CSN2: variants seen among roughly 807,000 people sequenced by gnomAD.
The protein encoded by CSN2 is casein beta.
A neutral mutation model predicts 27.3 loss-of-function variants in CSN2; 27 were observed. That is an observed-to-expected ratio of 0.99 (90% CI 0.73 to 1.36). The LOEUF (loss-of-function observed/expected upper bound fraction) is 1.36. Ranked by LOEUF, CSN2 falls within the 40% of genes most tolerant of loss-of-function variation. The pLI, the probability that CSN2 is intolerant of heterozygous loss-of-function variation, is 0.00. For missense variants in CSN2, 333 were observed against 264.5 expected (o/e 1.26, Z -1.80); for synonymous variants, 131 against 94.8 (o/e 1.38, Z -2.22).
intron 1 of CSN2, among the ~76,000 whole-genome samples, chr4:69,962,740 C>A (rs181994699): frequency 6.6e-6 from 1 of 152,224 alleles, no homozygotes; most frequent in Admixed American, 6.5e-5. Context: ...CAAATGGGAT[C>A]TAATTAAACT....
chr4:69,963,418 G>A (rs1231775775), intron 1 of CSN2, among the ~76,000 whole-genome samples: 2 of 151,594 alleles, frequency 1.3e-5, no homozygotes, highest in East Asian at 2.0e-4. Flanking sequence ...AAAAAATGAT[G>A]AGTTCATGTC....
chr4:69,961,046 C>A, intron 1 of CSN2, 39 bp from the exon 2 acceptor site: 1 of 1,421,426 alleles, frequency 7.0e-7, no homozygotes, highest in South Asian at 1.2e-5. Context: ...GAAGATTGGT[C>A]AATTGGATAT....
At chr4:69,961,825 T>C (rs1325975970) in intron 1 of CSN2, among the ~76,000 whole-genome samples, 2 of 152,204 alleles carry the variant, frequency 1.3e-5, no homozygotes, top group East Asian at 1.9e-4. Flanking sequence ...ACTGTGTATC[T>C]AGAAAACCCC....
intron 7 of CSN2, 80 bp downstream of exon 7, chr4:69,956,234 G>A: frequency 1.0e-6 from 1 of 1,004,192 alleles, no homozygotes; most frequent in Non-Finnish European, 1.3e-6. Context: ...CACTGTATTG[G>A]ACTTCTCTAG....
In CSN2 at chr4:69,959,064, A is replaced by G; in HGVS notation, c.84T>C (p.Ser28=). Residue 28 remains serine (S), a synonymous_variant, in exon 4 of 8, where the codon TCT becomes TCC. Transcript: ENST00000353151. The part of the protein sequence containing the change: ...TIESLSSSEE[S]ITEYKQKVEK... ...GAAAATTTACCTTGTATTCTGTAAT[A>G]GATTCCTACAGAAAAATATAAAATA... is the stretch of plus-strand genomic sequence containing the variant. The G allele has an allele frequency of 2.2e-6, 3 of 1,357,116 alleles. No individual in the cohort carries two copies. The highest frequency in any genetic ancestry group is 3.1e-6 in the Non-Finnish European group (3 of 981,594). The allele number at this position is 1,357,116 out of a possible 1,614,324, so 84.1% of individuals were successfully genotyped here.
At position 69,960,966 on chromosome 4, in the gene CSN2, C is replaced by G. The variant is rs749973270; in HGVS notation, c.30G>C (p.Val10=). The part of the protein sequence containing the change: MKVLILACL[V]ALALARETIE... ...ATACCTCCCTTGCAAGAGCAAGAGC[C>G]ACCAGGCAGGCGAGGATGAGGACCT... The change falls in exon 2 of 8, where the codon GTG becomes GTC. Residue 10 remains valine, a synonymous_variant. Coordinates refer to ENST00000353151, the MANE Select transcript of CSN2 (RefSeq NM_001891.4). 3.2e-5 allele frequency: 52 copies of G among 1,612,724 alleles called. No individual in the cohort carries two copies. Among genetic ancestry groups the G allele is most frequent in the Non-Finnish European group, 4.3e-5 (51 of 1,179,274 alleles).
chr4:69,959,954 C>T lies in CSN2; in HGVS notation c.78+99G>A, dbSNP rs1418633628. The T allele has an allele frequency of 6.9e-6, 7 of 1,021,208 alleles. No individual in the cohort carries two copies. In the Admixed American group the frequency reaches 1.2e-4, roughly 17 times the overall value. 63.3% of individuals were successfully genotyped at this position (1,021,208 alleles called of 1,614,324 possible). ...GAAATATGTACTAGAACTTATATGTCATTAACATAGCTGCATTAGCTTAAC... is the reference window on the plus strand; with the variant it reads ...GAAATATGTACTAGAACTTATATGTTATTAACATAGCTGCATTAGCTTAAC... On this transcript the variant is annotated intron_variant, in intron 3 of 7. Coordinates refer to ENST00000353151, the MANE Select transcript of CSN2 (RefSeq NM_001891.4).
chr4:69,957,228 A>T, intron 6 of CSN2, 46 bp downstream of exon 6: 2 of 1,469,996 alleles, frequency 1.4e-6, no homozygotes, highest in Non-Finnish European at 1.8e-6. Context: ...CTACCATCAC[A>T]TACACATCTT....
intron 7 of CSN2, 71 bp downstream of exon 7, chr4:69,956,243 A>G: frequency 9.2e-7 from 1 of 1,088,416 alleles, no homozygotes. Context: ...GGACTTCTCT[A>G]GGAGAATTAA....
intron 2 of CSN2, among the ~76,000 whole-genome samples, chr4:69,960,379 T>C (rs1723534413): frequency 6.6e-6 from 1 of 151,666 alleles, no homozygotes; most frequent in Admixed American, 6.6e-5. Context: ...CTTTTATATT[T>C]AGTAATCTAT....
chr4:69,960,053 C>T lies in CSN2; in HGVS notation c.78G>A (p.Glu26=). 6.2e-7 allele frequency: 1 copy of T among 1,611,186 alleles called. No individual in the cohort carries two copies. The highest frequency in any genetic ancestry group is 8.5e-7 in the Non-Finnish European group (1 of 1,178,300). The change falls in exon 3 of 8, where the codon GAG becomes GAA. Residue 26 remains glutamate, a splice_region_variant and synonymous_variant. Transcript: ENST00000353151. The stretch of plus-strand genomic sequence containing the variant: ...AAAATTGGGTAGAATGTTAACTTAC[C>T]TCACTGCTTGAAAGGCTTTCTATGG... ...RETIESLSSS[E]ESITEYKQKV...
chr4:69,965,654 C>T (rs1433556594), intron 1 of CSN2, among the ~76,000 whole-genome samples, 27 bp downstream of exon 1: 1 of 151,682 alleles, frequency 6.6e-6, no homozygotes, highest in African/African-American at 2.4e-5. Flanking sequence ...GGAGAAGATA[C>T]AACAAATTTG....
intron 1 of CSN2, among the ~76,000 whole-genome samples, 194 bp downstream of exon 1, chr4:69,965,487 T>C (rs1723778203): frequency 1.0e-5 from 1 of 96,760 alleles, no homozygotes; most frequent in African/African-American, 4.5e-5. Flanking sequence ...TCATGAAGGC[T>C]ATATGTCATT....
intron 2 of CSN2, 98 bp from the exon 3 acceptor site, chr4:69,960,177 C>T (rs992118602): frequency 1.2e-5 from 13 of 1,111,444 alleles, no homozygotes; most frequent in Non-Finnish European, 1.8e-5. Context: ...AAAATAATCT[C>T]ACCTCAGAGG....
intron 3 of CSN2, among the ~76,000 whole-genome samples, chr4:69,959,280 C>T (rs992354980): frequency 2.2e-4 from 34 of 151,812 alleles, no homozygotes; most frequent in African/African-American, 7.5e-4. Flanking sequence ...CAAAAAAAAG[C>T]AATTAATAGA....
At chr4:69,959,181 A>G in intron 3 of CSN2, 112 bp from the exon 4 acceptor site, 1 of 835,272 alleles carries the variant, frequency 1.2e-6, no homozygotes, top group Admixed American at 3.3e-5. Context: ...ATAACTTTGT[A>G]TAATCATTAA....
intron 1 of CSN2, among the ~76,000 whole-genome samples, chr4:69,961,726 T>C (rs1321201418): frequency 6.6e-6 from 1 of 152,178 alleles, no homozygotes; most frequent in Non-Finnish European, 1.5e-5. Context: ...TTGGAAGTTC[T>C]GGCCAGGGCA....
chr4:69,962,909 T>C (rs1578146394), intron 1 of CSN2, among the ~76,000 whole-genome samples: 1 of 151,994 alleles, frequency 6.6e-6, no homozygotes, highest in South Asian at 2.1e-4. Context: ...AACAACCCCA[T>C]CAAAAAGTGG....
In CSN2 at chr4:69,957,324, G is replaced by T. The variant is rs767479201; in HGVS notation, c.625C>A (p.Gln209Lys). ...AGTGGCTGAGTCACAGGGTAGATCTGGTGGGTGGGGTTAAGTAGAAGTTCT... is the reference window on the plus strand; with the variant it reads ...AGTGGCTGAGTCACAGGGTAGATCTTGTGGGTGGGGTTAAGTAGAAGTTCT... ...NQELLLNPTH[Q>K]IYPVTQPLAP... The change falls in exon 6 of 8, where the codon CAG (glutamine) becomes AAG (lysine). Residue 209 changes from glutamine (Q) to lysine (K), a missense_variant. By Grantham distance (53) the Gln-to-Lys change is moderately conservative. Transcript: ENST00000353151. The T allele has an allele frequency of 6.3e-7, 1 of 1,590,848 alleles. No homozygotes were observed. The highest frequency in any genetic ancestry group is 8.6e-7 in the Non-Finnish European group (1 of 1,167,570).
Sources: gnomAD v4.1 joint callset for allele counts (sites outside exome capture counted in the v4.1 genomes callset) on GRCh38, gnomAD v4.1.1 for gene constraint, MANE v1.5 for transcripts, NCBI Gene and HGNC (gene_info 2026-07-23, HGNC 2026-07-21) for gene names.